The following TCERG1 variants were observed in gnomAD, a reference collection of about 807,000 sequenced individuals.
The protein encoded by TCERG1 is TATA box binding protein (TBP)-associated factor, RNA polymerase II, S, 150kD.
In TCERG1, 37 loss-of-function variants were observed where a neutral mutation model predicts 144.7. The ratio of observed to expected loss-of-function variants is 0.26; its 90% confidence interval spans 0.20 to 0.34. The LOEUF (loss-of-function observed/expected upper bound fraction) is 0.34, where lower values mean the gene tolerates loss of function less well. TCERG1 is among the 10% of genes least tolerant of loss of function. The pLI is 1.00. For synonymous variants in TCERG1, 492 were observed against 458.2 expected (o/e 1.07, Z -0.94); for missense variants, 1,027 against 1,380.7 (o/e 0.74, Z 4.06).
At chr5:146,483,711 C>T in intron 15 of TCERG1, 82 bp downstream of exon 15, 1 of 1,039,980 alleles carries the variant, frequency 9.6e-7, no homozygotes, top group Non-Finnish European at 1.4e-6. Flanking sequence ...AGTACCATCC[C>T]TTTTTTTTCT....
At chr5:146,494,386 T>C (rs1163788826) in intron 16 of TCERG1, among the ~76,000 whole-genome samples, 1 of 152,126 alleles carries the variant, frequency 6.6e-6, no homozygotes, top group East Asian at 1.9e-4. Context: ...TAAAACTCCA[T>C]ATGGGTCTGT....
intron 5 of TCERG1, among the ~76,000 whole-genome samples, chr5:146,466,931 G>A (rs568437956): frequency 1.3e-5 from 2 of 152,202 alleles, no homozygotes; most frequent in Non-Finnish European, 2.9e-5. Context: ...GCTGAGTTTA[G>A]TAGGTTCAGT....
intron 15 of TCERG1, among the ~76,000 whole-genome samples, chr5:146,492,713 C>G (rs903573965): frequency 2.0e-5 from 3 of 151,928 alleles, no homozygotes; most frequent in Non-Finnish European, 4.4e-5. Flanking sequence ...TTCTTTTGTT[C>G]TTGAAGCCTA....
intron 17 of TCERG1, chr5:146,499,812 T>C (rs900407953): frequency 6.6e-6 from 1 of 152,224 alleles, no homozygotes; most frequent in African/African-American, 2.4e-5. Flanking sequence ...TTATGTATTC[T>C]GTTTTATAAC....
At chr5:146,469,279 CTT>C (rs1475713787) in intron 6 of TCERG1, among the ~76,000 whole-genome samples, 1 of 152,002 alleles carries the variant, frequency 6.6e-6, no homozygotes, top group Non-Finnish European at 1.5e-5. Flanking sequence ...TATGTTAAGA[CTT>C]TGTCATAGGT....
At chr5:146,454,986 A>G in intron 1 of TCERG1, 70 bp from the exon 2 acceptor site, 1 of 1,503,784 alleles carries the variant, frequency 6.6e-7, no homozygotes, top group Non-Finnish European at 9.2e-7. Context: ...TGATGGATGT[A>G]ATTAGAGATC....
intron 12 of TCERG1, chr5:146,480,626 G>A (rs553349285): frequency 6.6e-6 from 1 of 152,498 alleles, no homozygotes; most frequent in Non-Finnish European, 1.5e-5. Context: ...ATGTTATGGC[G>A]GGGGGAAGGA....
rs1407072426 is a variant in TCERG1, at chr5:146,507,115, G to C, written c.2869G>C (p.Glu957Gln). 1 of 1,613,726 alleles carries C rather than the reference G, an allele frequency of 6.2e-7. No individual in the cohort carries two copies. The change falls in exon 20 of 23, where the codon GAG becomes CAG. Residue 957 changes from glutamate (E) to glutamine (Q), a missense_variant. Transcript: ENST00000679501. The surrounding 1 kb of genome is among the most constrained non-coding windows in gnomAD (Gnocchi z 4.6). ...RWESGSLLER[E>Q]EKEKLFNEHI... ...GGAATCTGGATCCTTATTGGAAAGA[G>C]AGGAGAAAGAGAAGCTTTTTAATGA...
intron 9 of TCERG1, among the ~76,000 whole-genome samples, chr5:146,476,633 T>C (rs867900362): frequency 6.6e-6 from 1 of 152,234 alleles, no homozygotes; most frequent in Non-Finnish European, 1.5e-5. Context: ...ATTCCTGGGT[T>C]GTGGTTTCTC....
intron 12 of TCERG1, 68 bp downstream of exon 12, chr5:146,480,162 T>A: frequency 8.1e-7 from 1 of 1,232,024 alleles, no homozygotes; most frequent in Non-Finnish European, 1.1e-6. Context: ...TAATAATTTG[T>A]GATTGGAAGG....
Position 146,463,772 on chromosome 5 carries a change from G to A in TCERG1, c.1114G>A (p.Gly372Ser). 2 of 1,614,138 alleles carry A rather than the reference G, an allele frequency of 1.2e-6. No individual in the cohort carries two copies. The highest frequency in any genetic ancestry group is 2.2e-5 in the South Asian group (2 of 91,080). ...ACCTCCGTTTCGTGTTCCCCTTCCT[G>A]GCATGCCAATTCCACTTCCAGGTAA... ...MVPPFRVPLP[G>S]MPIPLPGVAM... The change falls in exon 5 of 23, where the codon GGC becomes AGC. Residue 372 changes from glycine to serine, a missense_variant. Around this residue, in one of 6 missense-constraint regions of TCERG1, gnomAD observed 482 missense variants for 632.6 expected, o/e 0.76. Transcript: ENST00000679501.
chr5:146,489,857 C>T (rs1054604620), intron 15 of TCERG1, among the ~76,000 whole-genome samples: 12 of 151,958 alleles, frequency 7.9e-5, no homozygotes, highest in Non-Finnish European at 1.3e-4. Context: ...TAAAGCCAAG[C>T]GTATTGGAAA....
chr5:146,447,465 G>A (rs1483523485), intron 1 of TCERG1, 57 bp downstream of exon 1: 1 of 1,572,488 alleles, frequency 6.4e-7, no homozygotes, highest in Non-Finnish European at 8.6e-7. Flanking sequence ...GAGGCTAGAC[G>A]CTAGACCTGC....
At chr5:146,474,997 A>C (rs533407740) in intron 9 of TCERG1, among the ~76,000 whole-genome samples, 1 of 151,826 alleles carries the variant, frequency 6.6e-6, no homozygotes, top group South Asian at 2.1e-4. Context: ...TTTTTCTCTT[A>C]TCTTGTTTTT....
chr5:146,460,602 C>G (rs934406727), intron 4 of TCERG1, among the ~76,000 whole-genome samples: 2 of 151,664 alleles, frequency 1.3e-5, no homozygotes, highest in Non-Finnish European at 2.9e-5. Context: ...GTAAGAAATA[C>G]GTATAAGAGA....
At chr5:146,464,346 A>G (rs903861293) in intron 5 of TCERG1, among the ~76,000 whole-genome samples, 3 of 152,242 alleles carry the variant, frequency 2.0e-5, no homozygotes, top group African/African-American at 7.2e-5. Flanking sequence ...TAACTATGTT[A>G]ATACTGGGAA....
chr5:146,456,494 A>G (rs909264706), intron 2 of TCERG1, among the ~76,000 whole-genome samples: 17 of 152,198 alleles, frequency 1.1e-4, no homozygotes, highest in Non-Finnish European at 2.1e-4. Context: ...TTTTCAGCCA[A>G]GGGCTCATGA....
intron 16 of TCERG1, among the ~76,000 whole-genome samples, chr5:146,497,536 A>G (rs924609131): frequency 2.0e-5 from 3 of 152,164 alleles, no homozygotes; most frequent in East Asian, 1.9e-4. Context: ...AATTTTTTCT[A>G]TGGATCACGT....
At chr5:146,457,070 G>T in intron 2 of TCERG1, 113 bp from the exon 3 acceptor site, 1 of 1,389,670 alleles carries the variant, frequency 7.2e-7, no homozygotes, top group Admixed American at 2.2e-5. Flanking sequence ...GAATGTGTTT[G>T]AATAGACTAT....
Sources: allele counts gnomAD v4.1 joint callset (sites outside exome capture counted in the v4.1 genomes callset), GRCh38; gene constraint gnomAD v4.1.1; regional missense constraint gnomAD v4.1.1; non-coding constraint Gnocchi (gnomAD v3.1); transcripts MANE v1.5; gene names NCBI Gene and HGNC (gene_info 2026-07-23, HGNC 2026-07-21).